TMEM161B: variants seen among roughly 807,000 people sequenced by gnomAD.
The protein encoded by TMEM161B is transmembrane protein 161B.
In TMEM161B, 34 loss-of-function variants were observed where a neutral mutation model predicts 61.8. The observed-to-expected ratio is 0.55, with a 90% CI of 0.42 to 0.73. The LOEUF (loss-of-function observed/expected upper bound fraction) is 0.73, where lower values mean the gene tolerates loss of function less well. TMEM161B is among the 30% of genes least tolerant of loss of function. The pLI is 0.00. For missense variants in TMEM161B, 456 were observed against 558.5 expected, an observed-to-expected ratio of 0.82 and a Z score of 1.85; for synonymous variants, 167 against 192.8, an observed-to-expected ratio of 0.87 and a Z score of 1.11.
In TMEM161B at chr5:88,220,727, G is replaced by GAAAAAAA. The variant is rs764112016; in HGVS notation, c.290-15_290-9dup. 7.9e-4 allele frequency: 478 copies of GAAAAAAA among 601,976 alleles called. 4 individuals carry two copies. Among genetic ancestry groups the GAAAAAAA allele is most frequent in the South Asian group, 1.9e-3 (64 of 33,370 alleles). 37.3% of individuals were successfully genotyped at this position (601,976 alleles called of 1,614,324 possible). On this transcript the variant is annotated splice_polypyrimidine_tract_variant and intron_variant, in intron 4 of 11. Transcript: ENST00000296595. Reference sequence around the variant, plus strand: ...CTGGAAAGTAATGCAATGCTGGAAAGAAAAAAAAAAAAAAAAAAAAAAAAG... The same window carrying GAAAAAAA: ...CTGGAAAGTAATGCAATGCTGGAAAGAAAAAAAAAAAAAAAAAAAAAAAAAAAAAAAG...
At chr5:88,224,102 T>A (rs1009476918) in intron 4 of TMEM161B, among the ~76,000 whole-genome samples, 2 of 152,210 alleles carry the variant, frequency 1.3e-5, no homozygotes, top group African/African-American at 4.8e-5. Flanking sequence ...GATGGTGGTA[T>A]GATTTAACCC....
rs111965889 is a variant in TMEM161B at position 88,215,540 on chromosome 5, C to G, written c.446+5023G>C. ...CTCAAGCATACACACAATTTTACTG[C>G]CTTCTTCCCCACCCTCTTTTTGGAG... On this transcript the variant is annotated intron_variant, in intron 5 of 11. Coordinates refer to ENST00000296595, the MANE Select transcript of TMEM161B (RefSeq NM_153354.5). Among the ~76,000 whole-genome samples the G allele has an allele frequency of 1.9e-3, 291 of 152,202 alleles. 1 individual carries two copies. In the Middle Eastern group the frequency reaches 0.027, roughly 14 times the overall value.
At chr5:88,186,763 C>A (rs1340812091), downstream of TMEM161B, among the ~76,000 whole-genome samples, 3 of 151,290 alleles carry the variant, frequency 2.0e-5, no homozygotes, top group African/African-American at 7.3e-5. Context: ...AACGTCTCTA[C>A]TAAAAAAAAA....
At chr5:88,253,686 A>G (rs369314650) in intron 1 of TMEM161B, among the ~76,000 whole-genome samples, 38 of 152,198 alleles carry the variant, frequency 2.5e-4, no homozygotes, top group African/African-American at 5.5e-4. Flanking sequence ...TGACTCTGCA[A>G]CTATAATGGG....
intron 4 of TMEM161B, 44 bp from the exon 5 acceptor site, chr5:88,220,763 A>T (rs775409442): frequency 3.3e-6 from 5 of 1,504,902 alleles, no homozygotes. Context: ...GTCAAAAAAA[A>T]CAGTTTCACT....
intron 1 of TMEM161B, among the ~76,000 whole-genome samples, chr5:88,241,565 A>C (rs1401694167): frequency 6.6e-6 from 1 of 151,886 alleles, no homozygotes; most frequent in East Asian, 1.9e-4. Flanking sequence ...GCCTGGTTTT[A>C]ATCCTAGGTG....
intron 6 of TMEM161B, 37 bp downstream of exon 6, chr5:88,206,992 A>T (rs1300796054): frequency 6.9e-6 from 11 of 1,597,886 alleles, no homozygotes; most frequent in Non-Finnish European, 9.4e-6. Context: ...CACTAGATAA[A>T]GCAAAATTGA....
intron 5 of TMEM161B, among the ~76,000 whole-genome samples, chr5:88,208,802 T>C (rs1052343514): frequency 2.6e-5 from 4 of 152,218 alleles, no homozygotes; most frequent in African/African-American, 4.8e-5. Context: ...TTGATTACAT[T>C]GCCTCTAAAA....
At chr5:88,245,086 G>A (rs1050774166) in intron 1 of TMEM161B, among the ~76,000 whole-genome samples, 6 of 151,530 alleles carry the variant, frequency 4.0e-5, no homozygotes, top group South Asian at 2.1e-4. Context: ...ATTTGCAAAC[G>A]GGATAAAAAG....
At chr5:88,187,569 T>A (rs556909388), downstream of TMEM161B, among the ~76,000 whole-genome samples, 139 of 152,322 alleles carry the variant, frequency 9.1e-4, no homozygotes, top group African/African-American at 3.2e-3. Context: ...ACTTGCTTTT[T>A]GACACTATTG....
In TMEM161B at chr5:88,240,712, T is replaced by A. The variant is rs905581638; in HGVS notation, c.107+101A>T. On this transcript the variant is annotated intron_variant, in intron 2 of 11. Coordinates refer to ENST00000296595, the MANE Select transcript of TMEM161B (RefSeq NM_153354.5). ...AAGAAAGCTAGATTTTTCTTATGAC[T>A]TCCTTTTGTTAAAGTTTTAGAAACA... The A allele has an allele frequency of 2.9e-5, 28 of 972,696 alleles. No individual in the cohort carries two copies. The African/African-American group carries it at 4.7e-4, about 16-fold the overall frequency. 60.3% of individuals were successfully genotyped at this position (972,696 alleles called of 1,614,324 possible). A position where few individuals can be genotyped will look rare whatever the true frequency, so the allele number is the denominator to read the frequency against.
chr5:88,223,143 T>C (rs1043319485), intron 4 of TMEM161B, among the ~76,000 whole-genome samples: 1 of 151,188 alleles, frequency 6.6e-6, no homozygotes, highest in African/African-American at 2.4e-5. Flanking sequence ...TTTTTTTTTT[T>C]AGTTCGTTGA....
intron 8 of TMEM161B, 144 bp from the exon 9 acceptor site, chr5:88,203,219 T>C (rs190919669): frequency 1.8e-6 from 1 of 548,704 alleles, no homozygotes; most frequent in East Asian, 3.1e-5. Context: ...CATCATTTTA[T>C]ATTTATCATT....
intron 2 of TMEM161B, among the ~76,000 whole-genome samples, chr5:88,232,737 C>G (rs904064024): frequency 6.6e-6 from 1 of 152,122 alleles, no homozygotes; most frequent in African/African-American, 2.4e-5. Flanking sequence ...CCATGTCCGG[C>G]TAATTTTTTG....
chr5:88,208,438 C>A (rs1745990858), intron 5 of TMEM161B, among the ~76,000 whole-genome samples: 1 of 151,024 alleles, frequency 6.6e-6, no homozygotes, highest in African/African-American at 2.4e-5. Context: ...GCTGAGATCG[C>A]GCCACTGCAC....
intron 5 of TMEM161B, among the ~76,000 whole-genome samples, chr5:88,215,086 C>T (rs1747575107): frequency 6.6e-6 from 1 of 152,294 alleles, no homozygotes; most frequent in East Asian, 1.9e-4. Context: ...AAATACTTTG[C>T]TTCCTTTTAA....
intron 5 of TMEM161B, among the ~76,000 whole-genome samples, chr5:88,209,357 TAAGGAG>T (rs772188232): frequency 2.0e-4 from 31 of 152,170 alleles, no homozygotes; most frequent in Non-Finnish European, 3.7e-4. Flanking sequence ...CTAGAATCTA[TAAGGAG>T]ACAATTTCCA....
At chr5:88,258,791 T>C (rs1476142833) in intron 1 of TMEM161B, among the ~76,000 whole-genome samples, 3 of 152,124 alleles carry the variant, frequency 2.0e-5, no homozygotes, top group Non-Finnish European at 4.4e-5. Context: ...TTGGGGCAAA[T>C]GGTGGCAATC....
At chr5:88,236,186 A>G (rs1326807850) in intron 2 of TMEM161B, among the ~76,000 whole-genome samples, 2 of 152,204 alleles carry the variant, frequency 1.3e-5, no homozygotes, top group Non-Finnish European at 2.9e-5. Context: ...TGAGACAAAA[A>G]TCAGAATAAA....
Sources: allele counts gnomAD v4.1 joint callset (sites outside exome capture counted in the v4.1 genomes callset), GRCh38; gene constraint gnomAD v4.1.1; transcripts MANE v1.5; gene names NCBI Gene and HGNC (gene_info 2026-07-23, HGNC 2026-07-21).